ELF2: variants seen among roughly 807,000 people sequenced by gnomAD.
The protein encoded by ELF2 is E74 like ETS transcription factor 2.
In ELF2, 11 loss-of-function variants were observed where a neutral mutation model predicts 54.8. That is an observed-to-expected ratio of 0.20 (90% CI 0.13 to 0.33). ELF2 has a LOEUF of 0.33. Ranked by LOEUF, ELF2 falls within the 10% of genes least tolerant of loss-of-function variation. The probability of loss-of-function intolerance (pLI) is 1.00; values close to 1 mark genes in which losing one functional copy is unlikely to be tolerated. For synonymous variants in ELF2, 203 were observed against 245.1 expected (o/e 0.83, Z 1.61); for missense variants, 513 against 703.0 (o/e 0.73, Z 3.06).
intron 4 of ELF2, among the ~76,000 whole-genome samples, chr4:139,119,595 A>C (rs1402340233): frequency 6.6e-6 from 1 of 152,192 alleles, no homozygotes; most frequent in African/African-American, 2.4e-5. Flanking sequence ...CCATGAGCCA[A>C]AGGACAGAAA....
At chr4:139,143,755 G>A (rs745628751) in intron 1 of ELF2, among the ~76,000 whole-genome samples, 14 of 151,970 alleles carry the variant, frequency 9.2e-5, no homozygotes, top group Admixed American at 3.3e-4. Context: ...AATCCAGCCC[G>A]GGCAACAGAG....
intron 4 of ELF2, among the ~76,000 whole-genome samples, chr4:139,079,068 G>T (rs968943077): frequency 6.6e-6 from 1 of 151,890 alleles, no homozygotes; most frequent in Non-Finnish European, 1.5e-5. Flanking sequence ...TGAGACCACA[G>T]GCACGCATCA....
rs145436769 is a variant in ELF2 at position 139,060,219 on chromosome 4, C to A, written c.1157+105G>T. ...AGCACTTTTCAAAGTCCTGACAACACTGGGTTCTTAGAACACTAATATTAA... is the reference window on the plus strand; with the variant it reads ...AGCACTTTTCAAAGTCCTGACAACAATGGGTTCTTAGAACACTAATATTAA... On this transcript the variant is annotated intron_variant, in intron 9 of 9. Coordinates refer to ENST00000686138, the MANE Select transcript of ELF2 (RefSeq NM_001331036.3). The A allele has an allele frequency of 6.2e-4, 641 of 1,034,914 alleles. 1 individual carries two copies. In the African/African-American group the frequency reaches 9.2e-3, roughly 15 times the overall value. The allele number at this position is 1,034,914 out of a possible 1,614,324, so 64.1% of individuals were successfully genotyped here.
intron 4 of ELF2, chr4:139,102,065 C>A (rs1217150803): frequency 6.6e-6 from 1 of 151,448 alleles, no homozygotes; most frequent in Non-Finnish European, 1.5e-5. Flanking sequence ...TAATTTCTTT[C>A]TCCTCTTGAA....
chr4:139,164,246 G>A (rs1028114423), intron 1 of ELF2, among the ~76,000 whole-genome samples: 8 of 149,996 alleles, frequency 5.3e-5, no homozygotes, highest in Admixed American at 1.3e-4. Context: ...GAGAAGGAAG[G>A]AAGAAAAGAA....
At chr4:139,061,812 A>G (rs1344132015) in intron 8 of ELF2, 53 bp downstream of exon 8, 1 of 1,586,064 alleles carries the variant, frequency 6.3e-7, no homozygotes, top group African/African-American at 1.4e-5. Flanking sequence ...GCTAATAGAC[A>G]TATAAAGAAA....
intron 6 of ELF2, 30 bp from the exon 7 acceptor site, chr4:139,067,800 T>C (rs1445797374): frequency 1.3e-6 from 2 of 1,544,256 alleles, no homozygotes; most frequent in Non-Finnish European, 1.8e-6. Flanking sequence ...AAACCATACG[T>C]TGAAAACAAG....
chr4:139,127,087 T>C (rs1736996866), intron 3 of ELF2, among the ~76,000 whole-genome samples: 1 of 152,232 alleles, frequency 6.6e-6, no homozygotes, highest in Non-Finnish European at 1.5e-5. Context: ...CAGTCTGTTC[T>C]AGATTTTTAT....
chr4:139,156,646 CTGT>C (rs34209591), intron 1 of ELF2, among the ~76,000 whole-genome samples: 2 of 150,464 alleles, frequency 1.3e-5, no homozygotes, highest in Non-Finnish European at 3.0e-5. Context: ...GTTGTTGTTG[CTGT>C]TGTTGTTAAA....
rs1358582237 is a variant in ELF2 at position 139,125,170 on chromosome 4, C to T, written c.232G>A (p.Glu78Lys). Reference sequence around the variant, plus strand: ...CATTTTATGAGATGTCTACCTGTTTCCACATTCTCGGTCTCAACTTCTTGT... The same window carrying T: ...CATTTTATGAGATGTCTACCTGTTTTCACATTCTCGGTCTCAACTTCTTGT... ...EEQEVETENV[E>K]TVEASVHSSN... The change falls in exon 4 of 10, where the codon GAA (glutamate) becomes AAA (lysine). Residue 78 changes from glutamate to lysine, a missense_variant. By Grantham distance (56) the Glu-to-Lys change is moderately conservative (BLOSUM62 1). This residue lies in a region of ELF2 where 203 missense variants were observed against 245.9 expected (regional missense o/e 0.83). Coordinates refer to ENST00000686138, the MANE Select transcript of ELF2 (RefSeq NM_001331036.3). 6.2e-7 allele frequency: 1 copy of T among 1,607,508 alleles called. No individual in the cohort carries two copies.
intron 4 of ELF2, among the ~76,000 whole-genome samples, chr4:139,121,298 C>A (rs545919154): frequency 3.4e-4 from 51 of 150,712 alleles, no homozygotes; most frequent in African/African-American, 1.2e-3. Flanking sequence ...TTAGTAGAGA[C>A]GGGGTTTCAC....
intron 1 of ELF2, among the ~76,000 whole-genome samples, chr4:139,141,444 T>C (rs1221479568): frequency 6.6e-6 from 1 of 152,220 alleles, no homozygotes; most frequent in South Asian, 2.1e-4. Context: ...GTCACATGAC[T>C]GCAAACAGCT....
chr4:139,094,840 A>T (rs1182781848), intron 4 of ELF2, among the ~76,000 whole-genome samples: 1 of 152,082 alleles, frequency 6.6e-6, no homozygotes, highest in Non-Finnish European at 1.5e-5. Flanking sequence ...TATATCTTAG[A>T]GTTATTTTTA....
intron 3 of ELF2, among the ~76,000 whole-genome samples, chr4:139,133,751 G>A (rs1431003166): frequency 4.0e-5 from 6 of 151,604 alleles, no homozygotes; most frequent in Admixed American, 1.3e-4. Flanking sequence ...CTATATGCAC[G>A]TGCCAGTGCA....
chr4:139,117,382 C>T (rs757014206), intron 4 of ELF2, among the ~76,000 whole-genome samples: 8 of 152,166 alleles, frequency 5.3e-5, no homozygotes, highest in Non-Finnish European at 1.0e-4. Flanking sequence ...CTTTGCAATA[C>T]TTTCCAATTT....
chr4:139,083,120 G>A (rs1329062547), intron 4 of ELF2, among the ~76,000 whole-genome samples: 2 of 151,916 alleles, frequency 1.3e-5, no homozygotes, highest in South Asian at 2.1e-4. Flanking sequence ...ATTGGAACCA[G>A]AGGCCTGTCA....
chr4:139,096,315 A>G (rs1733286502), intron 4 of ELF2, among the ~76,000 whole-genome samples: 1 of 152,204 alleles, frequency 6.6e-6, no homozygotes. Context: ...TTAGTAATAA[A>G]TCTGGGTCTG....
At chr4:139,151,032 A>AGAAAGAAAGAAAGAAAGAAAGAAAGAG (rs1553971300) in intron 1 of ELF2, among the ~76,000 whole-genome samples, 40 of 102,530 alleles carry the variant, frequency 3.9e-4, no homozygotes, top group African/African-American at 1.6e-3. Context: ...TCAAAAAAAA[A>AGAAAGAAAGAAAGAAAGAAAGAAAGAG]AAAGAAAGAA....
At chr4:139,146,365 G>C (rs1739224807) in intron 1 of ELF2, among the ~76,000 whole-genome samples, 1 of 152,136 alleles carries the variant, frequency 6.6e-6, no homozygotes, top group African/African-American at 2.4e-5. Flanking sequence ...ACTGATGAAA[G>C]AAACCATAGA....
Sources: allele counts gnomAD v4.1 joint callset (sites outside exome capture counted in the v4.1 genomes callset), GRCh38; gene constraint gnomAD v4.1.1; regional missense constraint gnomAD v4.1.1; transcripts MANE v1.5; gene names NCBI Gene and HGNC (gene_info 2026-07-23, HGNC 2026-07-21).